SLC35E4: variants seen among roughly 807,000 people sequenced by gnomAD.
The protein encoded by SLC35E4 is solute carrier family 35, member E4.
In SLC35E4, 15 loss-of-function variants were observed where a neutral mutation model predicts 19.3. The ratio of observed to expected loss-of-function variants is 0.78; its 90% CI spans 0.52 to 1.20. The LOEUF (loss-of-function observed/expected upper bound fraction) is 1.20. Among genes scored for constraint, SLC35E4 ranks in the 50% most tolerant of loss-of-function variants. The pLI, the probability that SLC35E4 is intolerant of heterozygous loss-of-function variation, is 0.00. For missense variants in SLC35E4, 406 were observed against 472.3 expected (o/e 0.86, Z 1.30); for synonymous variants, 219 against 219.9 (o/e 1.00, Z 0.04).
intron 2 of SLC35E4, among the ~76,000 whole-genome samples, chr22:30,656,325 G>A (rs950090454): frequency 1.3e-5 from 2 of 152,084 alleles, no homozygotes; most frequent in African/African-American, 4.8e-5. Context: ...GCAGGGCTGT[G>A]TGCTTCAAGG....
chr22:30,662,509 A>G (rs2037929207), exon 3 of SLC35E4: 2 of 152,200 alleles, frequency 1.3e-5, no homozygotes, highest in Non-Finnish European at 2.9e-5. Flanking sequence ...AAACTTTGCC[A>G]TGTACAATAG....
At chr22:30,650,860 G>A (rs749368822), downstream of SLC35E4, among the ~76,000 whole-genome samples, 13 of 152,140 alleles carry the variant, frequency 8.5e-5, no homozygotes, top group Non-Finnish European at 1.6e-4. Context: ...CTGCTTTGGA[G>A]GAAGCCTGGG....
intron 2 of SLC35E4, among the ~76,000 whole-genome samples, chr22:30,652,961 A>G (rs992435356): frequency 2.0e-5 from 3 of 152,194 alleles, no homozygotes; most frequent in Admixed American, 1.3e-4. Flanking sequence ...ATATCAGTGA[A>G]TATCTATTGA....
downstream of SLC35E4, among the ~76,000 whole-genome samples, chr22:30,651,367 A>ATTT (rs35299835): frequency 0.089 from 6,783 of 76,606 alleles, 360 homozygotes; most frequent in African/African-American, 0.11. Flanking sequence ...CACGTGGCTA[A>ATTT]TTTTTGTGTG....
intron 1 of SLC35E4, among the ~76,000 whole-genome samples, chr22:30,646,099 C>T (rs749583934): frequency 1.3e-5 from 2 of 152,208 alleles, no homozygotes; most frequent in African/African-American, 2.4e-5. Context: ...TGAGCCACCA[C>T]ACCCAGCCTT....
At chr22:30,640,135 G>A (rs762366757) in intron 1 of SLC35E4, among the ~76,000 whole-genome samples, 37 of 152,232 alleles carry the variant, frequency 2.4e-4, no homozygotes, top group East Asian at 1.5e-3. Flanking sequence ...CTGACTTCCC[G>A]CAACAGAGGT....
chr22:30,641,799 G>C (rs2088045464), intron 1 of SLC35E4, among the ~76,000 whole-genome samples: 1 of 142,776 alleles, frequency 7.0e-6, no homozygotes, highest in Admixed American at 7.4e-5. Context: ...GGCCTCAAGT[G>C]ATCTTCCCTC....
At chr22:30,642,210 A>G (rs1007018263) in intron 1 of SLC35E4, among the ~76,000 whole-genome samples, 1 of 151,844 alleles carries the variant, frequency 6.6e-6, no homozygotes, top group South Asian at 2.1e-4. Context: ...GGGTTTCATC[A>G]TGTTGCCCAG....
In SLC35E4 at chr22:30,647,592, C is replaced by T. The variant is rs2088157106; in HGVS notation, c.*561C>T. On this transcript the variant is annotated 3_prime_UTR_variant, in exon 2 of 2. Coordinates refer to ENST00000343605, the MANE Select transcript of SLC35E4 (RefSeq NM_001001479.4). ...CTGGATGGTGGGTCCAAGCCTGGCACAGTCCCTGTGCTTGTCAGAGTCATT... is the reference window on the plus strand; with the variant it reads ...CTGGATGGTGGGTCCAAGCCTGGCATAGTCCCTGTGCTTGTCAGAGTCATT... 1 of 152,956 alleles carries T rather than the reference C, an allele frequency of 6.5e-6. No homozygotes were observed. Among genetic ancestry groups the T allele is most frequent in the Non-Finnish European group, 1.5e-5 (1 of 68,652 alleles). The allele number at this position is 152,956 out of a possible 1,614,324, so 9.5% of individuals were successfully genotyped here.
At chr22:30,640,519 C>T (rs756076764) in intron 1 of SLC35E4, among the ~76,000 whole-genome samples, 17 of 152,096 alleles carry the variant, frequency 1.1e-4, no homozygotes, top group Non-Finnish European at 1.9e-4. Flanking sequence ...AGTTTAGGGC[C>T]GAGGCTCCAG....
exon 3 of SLC35E4, chr22:30,663,297 C>A: frequency 6.2e-6 from 5 of 804,546 alleles, no homozygotes; most frequent in Non-Finnish European, 9.6e-6. Flanking sequence ...AAAGCTACAG[C>A]AACTCTTTTT....
intron 1 of SLC35E4, among the ~76,000 whole-genome samples, chr22:30,640,667 T>C (rs999212790): frequency 6.6e-6 from 1 of 152,286 alleles, no homozygotes; most frequent in African/African-American, 2.4e-5. Flanking sequence ...GGGTGCCCAC[T>C]CAGGGTGGGG....
At chr22:30,638,981 G>A (rs761959870) in intron 1 of SLC35E4, among the ~76,000 whole-genome samples, 1 of 149,420 alleles carries the variant, frequency 6.7e-6, no homozygotes, top group African/African-American at 2.5e-5. Context: ...AAAGAAAGAA[G>A]TTCAGCCCAG....
At position 30,637,190 on chromosome 22, in the gene SLC35E4, T is replaced by C. The variant is rs552797381; in HGVS notation, c.619+121T>C. ...AAATGAGGAAACTGAGGTTCATGGC[T>C]GTGGAGGAAGCAGAACTGAGGCTCA... On this transcript the variant is annotated intron_variant, in intron 1 of 1. Transcript: ENST00000343605. 53 of 1,414,568 alleles carry C rather than the reference T, an allele frequency of 3.7e-5. No individual in the cohort carries two copies. In the East Asian group the frequency reaches 1.2e-3, roughly 32 times the overall value. The allele number at this position is 1,414,568 out of a possible 1,614,324, so 87.6% of individuals were successfully genotyped here. A position where few individuals can be genotyped will look rare whatever the true frequency, so the allele number is the denominator to read the frequency against.
At chr22:30,655,185 G>A (rs1025483728) in intron 2 of SLC35E4, among the ~76,000 whole-genome samples, 4 of 151,984 alleles carry the variant, frequency 2.6e-5, no homozygotes, top group Non-Finnish European at 2.9e-5. Context: ...GCCAGGTATG[G>A]TGGCTCACAC....
chr22:30,644,979 GA>G (rs57035978), intron 1 of SLC35E4, among the ~76,000 whole-genome samples: 2 of 150,030 alleles, frequency 1.3e-5, no homozygotes, highest in African/African-American at 2.5e-5. Flanking sequence ...GTATTAGCAG[GA>G]AAAAAAAAAG....
Position 30,638,945 on chromosome 22 carries a change from G to A in SLC35E4, c.619+1876G>A, listed in dbSNP as rs950517339. Among the ~76,000 whole-genome samples, 6 of 151,772 alleles carry A rather than the reference G, an allele frequency of 4.0e-5. 1 individual carries two copies. The South Asian group carries it at 8.3e-4, about 21-fold the overall frequency. ...TACACCACTGCACTCCAGCCTGGGC[G>A]ACAGAATGAGACTCTGTCTCAAGAA... is the stretch of plus-strand genomic sequence containing the variant. On this transcript the variant is annotated intron_variant, in intron 1 of 1. Transcript: ENST00000343605.
At chr22:30,645,417 A>C (rs112553741) in intron 1 of SLC35E4, among the ~76,000 whole-genome samples, 12,140 of 152,160 alleles carry the variant, frequency 0.08, 1,014 homozygotes, top group East Asian at 0.24. Flanking sequence ...CAACATGGCG[A>C]AACCCCGTCT....
In SLC35E4 at chr22:30,636,961, T is replaced by TGCCTGGGGGCCGCCTGCA. The variant is rs1207643172; in HGVS notation, c.518_535dup (p.Gly173_Leu178dup). On this transcript the variant is annotated inframe_insertion, in exon 1 of 2. Coordinates refer to ENST00000343605, the MANE Select transcript of SLC35E4 (RefSeq NM_001001479.4). The stretch of plus-strand genomic sequence containing the variant: ...TCAGTTGGCCGCCATGGGTCCGCTC[T>TGCCTGGGGGCCGCCTGCA]GCCTGGGGGCCGCCTGCAGCCTGGC... 6.2e-7 allele frequency: 1 copy of TGCCTGGGGGCCGCCTGCA among 1,611,950 alleles called. No homozygotes were observed. Among genetic ancestry groups the TGCCTGGGGGCCGCCTGCA allele is most frequent in the South Asian group, 1.1e-5 (1 of 90,978 alleles).
Sources: allele counts gnomAD v4.1 joint callset (sites outside exome capture counted in the v4.1 genomes callset), GRCh38; gene constraint gnomAD v4.1.1; transcripts MANE v1.5; gene names NCBI Gene and HGNC (gene_info 2026-07-23, HGNC 2026-07-21).